Variants in SERPINB8 observed in about 807,000 individuals in gnomAD.
SERPINB8 encodes serpin B8.
SERPINB8 carries 25 observed loss-of-function variants against 35.3 expected under a neutral mutation model. The ratio of observed to expected loss-of-function variants is 0.71; its 90% CI spans 0.52 to 0.99. The LOEUF is 0.99. Among genes scored for constraint, SERPINB8 ranks in the 50% least tolerant of loss-of-function variants. The pLI is 0.00. For missense variants in SERPINB8, 484 were observed against 446.5 expected (o/e 1.08, Z -0.76); for synonymous variants, 186 against 160.8 (o/e 1.16, Z -1.19).
Position 63,987,452 on chromosome 18 carries a change from G to T in SERPINB8, c.*174G>T. On this transcript the variant is annotated 3_prime_UTR_variant, in exon 7 of 7. Transcript: ENST00000397985. ...AGAGCCATTGAGAATAACTGAGGCC[G>T]CAGATGCATGAAATTTGGGCCTGGG... 4 of 686,934 alleles carry T rather than the reference G, an allele frequency of 5.8e-6. No homozygotes were observed. The highest frequency in any genetic ancestry group is 9.4e-6 in the Non-Finnish European group (4 of 426,630). 42.6% of individuals were successfully genotyped at this position (686,934 alleles called of 1,614,324 possible).
intron 1 of SERPINB8, among the ~76,000 whole-genome samples, chr18:63,973,528 G>A (rs1291973426): frequency 6.6e-6 from 1 of 152,162 alleles, no homozygotes; most frequent in Non-Finnish European, 1.5e-5. Context: ...GGCTTTTGTT[G>A]CCATTGCTTT....
intron 1 of SERPINB8, among the ~76,000 whole-genome samples, chr18:64,001,752 G>T (rs1046079896): frequency 6.6e-6 from 1 of 152,126 alleles, no homozygotes; most frequent in Non-Finnish European, 1.5e-5. Context: ...CTCCGAAAGT[G>T]CTGGGGTTAC....
At chr18:63,993,807 T>G (rs1225320008), downstream of SERPINB8, among the ~76,000 whole-genome samples, 1 of 152,170 alleles carries the variant, frequency 6.6e-6, no homozygotes, top group Non-Finnish European at 1.5e-5. Flanking sequence ...GCCAGGGCAT[T>G]GAAGTGTCCA....
chr18:63,975,614 C>G (rs1223033285), intron 1 of SERPINB8, among the ~76,000 whole-genome samples: 1 of 151,794 alleles, frequency 6.6e-6, no homozygotes, highest in African/African-American at 2.4e-5. Flanking sequence ...TTGTTTTTTT[C>G]TGAACTGCAC....
At position 63,994,601 on chromosome 18, in the gene SERPINB8, T is replaced by G. The variant is rs550054271; in HGVS notation, c.70+9356T>G. 6.1e-4 allele frequency among the ~76,000 whole-genome samples: 93 copies of G among 152,222 alleles called. 1 individual carries two copies. The highest frequency in any genetic ancestry group is 1.2e-3 in the South Asian group (6 of 4,824). ...AGCTTTTCGGTTCCGAGGGGGATCA[T>G]TGGTCCTCAGCTGGGTACTACTTGG... On this transcript the variant is annotated intron_variant, in intron 1 of 1. Coordinates refer to the SERPINB8 transcript ENST00000493661.
intron 1 of SERPINB8, among the ~76,000 whole-genome samples, chr18:64,003,860 C>A (rs1480853600): frequency 6.6e-6 from 1 of 152,118 alleles, no homozygotes; most frequent in Non-Finnish European, 1.5e-5. Context: ...ACTTGGTGTA[C>A]CATTGCAAAA....
chr18:63,995,192 T>G (rs961464191), intron 1 of SERPINB8, among the ~76,000 whole-genome samples: 14 of 152,124 alleles, frequency 9.2e-5, no homozygotes, highest in Admixed American at 3.3e-4. Flanking sequence ...TCCCAGTGAC[T>G]CTGGAGATGA....
At chr18:64,007,176 TAAA>T (rs1303016982), downstream of SERPINB8, among the ~76,000 whole-genome samples, 3 of 151,982 alleles carry the variant, frequency 2.0e-5, no homozygotes, top group Admixed American at 1.3e-4. Context: ...TACAATATAA[TAAA>T]ATAATACCAT....
exon 2 of SERPINB8, chr18:64,005,025 C>A: frequency 7.6e-6 from 3 of 393,598 alleles, no homozygotes; most frequent in Non-Finnish European, 9.0e-6. Context: ...TTGCAACCTG[C>A]GAGCTTCTTT....
At chr18:63,990,117 C>T (rs1304432475), downstream of SERPINB8, among the ~76,000 whole-genome samples, 3 of 132,516 alleles carry the variant, frequency 2.3e-5, no homozygotes, top group African/African-American at 8.2e-5. Flanking sequence ...TTCTCTGTTG[C>T]CAGGCTGCAG....
In SERPINB8 at chr18:64,004,694, AT is replaced by A. The variant is rs147026769; in HGVS notation, c.71-121del. ...TTACTTCACTTATTTATTTACATTC[AT>A]TTTATCTAGCAATGGTGCCACACTG... On this transcript the variant is annotated intron_variant, in intron 1 of 1. Coordinates refer to the SERPINB8 transcript ENST00000493661. 2,640 of 395,422 alleles carry A rather than the reference AT, an allele frequency of 6.7e-3. 70 individuals are homozygous for A. The highest frequency in any genetic ancestry group is 0.05 in the African/African-American group (2,415 of 48,648). The allele number at this position is 395,422 out of a possible 1,614,324, so 24.5% of individuals were successfully genotyped here. A position where few individuals can be genotyped will look rare whatever the true frequency, so the allele number is the denominator to read the frequency against.
chr18:63,986,388 T>C, intron 6 of SERPINB8: 1 of 1,553,448 alleles, frequency 6.4e-7, no homozygotes, highest in Non-Finnish European at 8.7e-7. Context: ...TCCCTTCATC[T>C]TCAGATGAAA....
downstream of SERPINB8, among the ~76,000 whole-genome samples, chr18:63,993,356 T>G (rs188667772): frequency 3.9e-4 from 60 of 152,364 alleles, 1 homozygote; most frequent in Non-Finnish European, 7.6e-4. Flanking sequence ...CCAGTTTTGA[T>G]GATTTCCAAA....
exon 2 of SERPINB8, chr18:64,005,470 A>G (rs539236454): frequency 6.6e-6 from 1 of 152,292 alleles, no homozygotes; most frequent in East Asian, 1.9e-4. Flanking sequence ...AAGCCCTCAT[A>G]AATGGGATTG....
At position 63,988,279 on chromosome 18, in the gene SERPINB8, A is replaced by G. The variant is rs1259131414; in HGVS notation, c.*1001A>G. On this transcript the variant is annotated 3_prime_UTR_variant, in exon 7 of 7. Transcript: ENST00000397985. ...CAGTAGCTTATTTCTTCCCTTATGA[A>G]AAACCTCCCTTAAGATCTTTCCAGG... 2.6e-5 allele frequency: 4 copies of G among 152,186 alleles called. No homozygotes were observed. Among genetic ancestry groups the G allele is most frequent in the Non-Finnish European group, 5.9e-5 (4 of 68,032 alleles). 9.4% of individuals were successfully genotyped at this position (152,186 alleles called of 1,614,324 possible). A position where few individuals can be genotyped will look rare whatever the true frequency, so the allele number is the denominator to read the frequency against.
Position 63,988,119 on chromosome 18 carries a change from C to A in SERPINB8, c.*841C>A, listed in dbSNP as rs1368477258. Reference sequence around the variant, plus strand: ...AGCAATTTGGAAACTACAGCAAAGTCTCCAAAAAAATTGAAGTCACCCACA... The same window carrying A: ...AGCAATTTGGAAACTACAGCAAAGTATCCAAAAAAATTGAAGTCACCCACA... On this transcript the variant is annotated 3_prime_UTR_variant, in exon 7 of 7. Coordinates refer to ENST00000397985, the MANE Select transcript of SERPINB8 (RefSeq NM_002640.4). 2.0e-5 allele frequency: 3 copies of A among 152,158 alleles called. No homozygotes were observed. Among genetic ancestry groups the A allele is most frequent in the African/African-American group, 7.2e-5 (3 of 41,428 alleles). 9.4% of individuals were successfully genotyped at this position (152,158 alleles called of 1,614,324 possible).
downstream of SERPINB8, among the ~76,000 whole-genome samples, chr18:64,007,863 G>A (rs141560325): frequency 3.2e-3 from 492 of 152,156 alleles, 4 homozygotes; most frequent in African/African-American, 0.011. Context: ...AGATTTGGGC[G>A]GGAACACAGA....
At chr18:64,008,225 G>A (rs1157511982), downstream of SERPINB8, among the ~76,000 whole-genome samples, 1 of 151,904 alleles carries the variant, frequency 6.6e-6, no homozygotes, top group Non-Finnish European at 1.5e-5. Context: ...AATAAACAAA[G>A]GAGAGAGGGG....
intron 3 of SERPINB8, 145 bp from the exon 4 acceptor site, chr18:63,981,576 T>C (rs2050671412): frequency 1.6e-6 from 1 of 630,122 alleles, no homozygotes; most frequent in Admixed American, 2.6e-5. Flanking sequence ...CCATACATTT[T>C]TGTTAATTGC....
Sources: gnomAD v4.1 joint callset for allele counts (sites outside exome capture counted in the v4.1 genomes callset) on GRCh38, gnomAD v4.1.1 for gene constraint, MANE v1.5 for transcripts, NCBI Gene and HGNC (gene_info 2026-07-23, HGNC 2026-07-21) for gene names.